WHRN: variants seen among roughly 807,000 people sequenced by gnomAD.
WHRN encodes the protein whirlin.
In WHRN, 41 loss-of-function variants were observed where a neutral mutation model predicts 68.3. That is an observed-to-expected ratio of 0.60 (90% CI 0.47 to 0.78). The LOEUF is 0.78. WHRN is among the 30% of genes least tolerant of loss of function. The pLI is 0.00. For missense variants in WHRN, 1,243 were observed against 1,244.7 expected (o/e 1.00, Z 0.02); for synonymous variants, 560 against 561.3 (o/e 1.00, Z 0.03).
At chr9:114,403,868 C>G (rs552455455) in intron 10 of WHRN, 28 bp downstream of exon 10, 1 of 1,608,456 alleles carries the variant, frequency 6.2e-7, no homozygotes, top group East Asian at 2.2e-5. Context: ...TCCTCTCAGC[C>G]CTCTGCATCC....
At chr9:114,456,519 T>G (rs1462154164) in intron 3 of WHRN, among the ~76,000 whole-genome samples, 1 of 152,124 alleles carries the variant, frequency 6.6e-6, no homozygotes, top group Admixed American at 6.5e-5. Context: ...GGAATTTTTC[T>G]CCCTCCTCAA....
chr9:114,447,448 G>A (rs59075020), intron 3 of WHRN, among the ~76,000 whole-genome samples: 13,222 of 152,238 alleles, frequency 0.087, 1,634 homozygotes, highest in African/African-American at 0.27. Flanking sequence ...AATACTGCCT[G>A]TACATCAGAG....
chr9:114,502,178 T>C (rs2133445409), intron 1 of WHRN, among the ~76,000 whole-genome samples: 1 of 152,284 alleles, frequency 6.6e-6, no homozygotes, highest in Non-Finnish European at 1.5e-5. Flanking sequence ...TGTCCCGCCA[T>C]GGCTAGAAGT....
intron 7 of WHRN, among the ~76,000 whole-genome samples, chr9:114,417,683 A>C (rs1224827669): frequency 6.6e-6 from 1 of 152,348 alleles, no homozygotes; most frequent in African/African-American, 2.4e-5. Flanking sequence ...ACTCAGCATT[A>C]CTGCAGCAAA....
In WHRN at chr9:114,478,553, C is replaced by T; in HGVS notation, c.837G>A (p.Lys279=). The part of the protein sequence containing the change: ...LHLLQGGDEK[K]VNLVLGDGRS... ...GGCCTCCTTTCCCCACCCCACTCAC[C>T]TTTTTCTCATCCCCTCCTTGCAGGA... The change falls in exon 2 of 12, where the codon AAG becomes AAA. Residue 279 remains lysine (K), a splice_region_variant and synonymous_variant. Transcript: ENST00000362057. 6.2e-7 allele frequency: 1 copy of T among 1,614,160 alleles called. No homozygotes were observed. Among genetic ancestry groups the T allele is most frequent in the Non-Finnish European group, 8.5e-7 (1 of 1,179,998 alleles).
intron 1 of WHRN, among the ~76,000 whole-genome samples, chr9:114,497,786 C>G (rs1328105486): frequency 7.9e-5 from 12 of 152,118 alleles, no homozygotes; most frequent in Non-Finnish European, 7.4e-5. Flanking sequence ...AGGCACAGAC[C>G]ACATTTTTTT....
rs139985559 is a variant in WHRN at position 114,421,532 on chromosome 9, C to G, written c.1626+1782G>C. ...TCCTGCCTCCCAGACCAAAACACAT[C>G]CCACCCCATTCACTGGATATTTCAT... On this transcript the variant is annotated intron_variant, in intron 7 of 11. Coordinates refer to ENST00000362057, the MANE Select transcript of WHRN (RefSeq NM_015404.4). Among the ~76,000 whole-genome samples, 50 of 152,366 alleles carry G rather than the reference C, an allele frequency of 3.3e-4. No homozygotes were observed. The East Asian group carries it at 8.7e-3, about 26-fold the overall frequency.
At chr9:114,470,049 T>C in intron 2 of WHRN, among the ~76,000 whole-genome samples, 1 of 152,028 alleles carries the variant, frequency 6.6e-6, no homozygotes, top group East Asian at 1.9e-4. Flanking sequence ...ACCCAGACAA[T>C]CCCCCACGTC....
intron 1 of WHRN, among the ~76,000 whole-genome samples, chr9:114,487,956 G>T (rs1293732274): frequency 6.6e-6 from 1 of 152,188 alleles, no homozygotes; most frequent in Non-Finnish European, 1.5e-5. Context: ...GGCAGATCTT[G>T]GCTCTATCTT....
At chr9:114,425,864 C>CT in intron 4 of WHRN, 3 of 383,178 alleles carry the variant, frequency 7.8e-6, no homozygotes, top group Non-Finnish European at 1.5e-5. Flanking sequence ...GCATCTCTCT[C>CT]TTTCCCTCTC....
At chr9:114,425,534 A>C in intron 4 of WHRN, 1 of 287,942 alleles carries the variant, frequency 3.5e-6, no homozygotes, top group Non-Finnish European at 6.6e-6. Context: ...GATGTTGGCA[A>C]GTAACTTTGA....
chr9:114,464,816 A>AATGATG (rs10523063), intron 3 of WHRN, among the ~76,000 whole-genome samples: 3 of 144,748 alleles, frequency 2.1e-5, no homozygotes, highest in African/African-American at 8.2e-5. Context: ...TTATGTCCAT[A>AATGATG]ATGATGATGA....
At chr9:114,424,897 G>T in intron 5 of WHRN, 91 bp downstream of exon 5, 1 of 1,381,096 alleles carries the variant, frequency 7.2e-7, no homozygotes. Context: ...GAATGAGGTA[G>T]TGTAAGTCAC....
chr9:114,469,118 G>A, intron 2 of WHRN, among the ~76,000 whole-genome samples: 1 of 152,124 alleles, frequency 6.6e-6, no homozygotes, highest in East Asian at 1.9e-4. Context: ...AGAGTGCGTA[G>A]GGTCGTGGCT....
rs776712642 is a variant in WHRN, at chr9:114,402,907, C to A, written c.2571G>T (p.Gln857His). Reference sequence around the variant, plus strand: ...CCAGAATCACGTGGCCCACCTTGAGCTGCCCACAGTTGTGAGCTGAGCCGC... The same window carrying A: ...CCAGAATCACGTGGCCCACCTTGAGATGCCCACAGTTGTGAGCTGAGCCGC... ...QRGGSAHNCG[Q>H]LKVGHVILEV... The change falls in exon 12 of 12, where the codon CAG becomes CAT. Residue 857 changes from glutamine (Q) to histidine (H), a missense_variant. Gln to His is a conservative substitution (Grantham distance 24). Transcript: ENST00000362057. 84 of 1,613,194 alleles carry A rather than the reference C, an allele frequency of 5.2e-5. 1 individual carries two copies. The highest frequency in any genetic ancestry group is 6.8e-5 in the Non-Finnish European group (80 of 1,179,798).
intron 10 of WHRN, among the ~76,000 whole-genome samples, chr9:114,403,624 C>G (rs1834822927): frequency 6.6e-6 from 1 of 152,256 alleles, no homozygotes; most frequent in Non-Finnish European, 1.5e-5. Context: ...TCTCAGCCAC[C>G]TGGCCATGTC....
At chr9:114,437,773 T>C (rs536480277) in intron 3 of WHRN, among the ~76,000 whole-genome samples, 1 of 152,298 alleles carries the variant, frequency 6.6e-6, no homozygotes, top group East Asian at 1.9e-4. Context: ...CAGAGTCCTA[T>C]TGTTTAAGCC....
chr9:114,499,739 G>A (rs565323965), intron 1 of WHRN, among the ~76,000 whole-genome samples: 97 of 152,348 alleles, frequency 6.4e-4, no homozygotes, highest in African/African-American at 2.1e-3. Context: ...TGCGGCTGCC[G>A]GCAGGCAGAG....
chr9:114,426,281 G>C lies in WHRN; in HGVS notation c.1096C>G (p.Arg366Gly), dbSNP rs530868944. ...CACTTGGTCTCGTCCACAGTGGTGC[G>C]GGCATGGGGCAGCCTCCCGACGTCC... The part of the protein sequence containing the change: ...VKDVGRLPHA[R>G]TTVDETKWIA... The change falls in exon 4 of 12, where the codon CGC becomes GGC. Residue 366 changes from arginine (R) to glycine (G), a missense_variant. Physicochemically the swap from Arg to Gly is moderately radical, Grantham distance 125 (BLOSUM62 -2). Transcript: ENST00000362057. 28 of 1,613,218 alleles carry C rather than the reference G, an allele frequency of 1.7e-5. No homozygotes were observed. The highest frequency in any genetic ancestry group is 2.3e-5 in the Non-Finnish European group (27 of 1,180,046).
Sources: allele counts gnomAD v4.1 joint callset (sites outside exome capture counted in the v4.1 genomes callset), GRCh38; gene constraint gnomAD v4.1.1; transcripts MANE v1.5; gene names NCBI Gene and HGNC (gene_info 2026-07-23, HGNC 2026-07-21).